ULK4: variants seen among roughly 807,000 people sequenced by gnomAD.
The protein encoded by ULK4 is inactive serine/threonine-protein kinase ULK4.
Under a neutral mutation model 160.6 loss-of-function variants are expected in ULK4, and 133 were observed. The observed-to-expected ratio is 0.83, with a 90% CI of 0.72 to 0.96. ULK4 has a LOEUF of 0.96. ULK4 is among the 40% of genes least tolerant of loss of function. ULK4 has a pLI of 0.00. For missense variants in ULK4, 1,580 were observed against 1,499.5 expected (o/e 1.05, Z -0.89); for synonymous variants, 534 against 539.8 (o/e 0.99, Z 0.15).
At chr3:41,307,162 A>T (rs2079961529) in intron 35 of ULK4, among the ~76,000 whole-genome samples, 1 of 89,472 alleles carries the variant, frequency 1.1e-5, no homozygotes, top group Non-Finnish European at 2.2e-5. Context: ...AATAAATTAA[A>T]AAAAAAAAAA....
chr3:41,786,356 C>A (rs534894869), intron 21 of ULK4, among the ~76,000 whole-genome samples: 71 of 152,222 alleles, frequency 4.7e-4, no homozygotes, highest in Non-Finnish European at 9.3e-4. Context: ...AATCCCAGCA[C>A]CTTGGGAGGC....
Position 41,542,628 on chromosome 3 carries a change from C to T in ULK4, c.3226+23397G>A, listed in dbSNP as rs6776707. On this transcript the variant is annotated intron_variant, in intron 32 of 36. Transcript: ENST00000301831. ...TCCTCTTTGTACCTCTGGTGGAATT[C>T]GGCTGTGAATCCATCTGGTCCTGGA... Among the ~76,000 whole-genome samples the T allele has an allele frequency of 2.7e-3, 404 of 152,184 alleles. 1 individual carries two copies. Among genetic ancestry groups the T allele is most frequent in the African/African-American group, 8.8e-3 (367 of 41,524 alleles).
chr3:41,923,468 A>G (rs1652634674), intron 5 of ULK4, among the ~76,000 whole-genome samples: 1 of 152,208 alleles, frequency 6.6e-6, no homozygotes, highest in Non-Finnish European at 1.5e-5. Context: ...ACTGCACTCC[A>G]GCCTGGGCAA....
At chr3:41,368,111 G>A (rs566196841) in intron 35 of ULK4, among the ~76,000 whole-genome samples, 3 of 151,274 alleles carry the variant, frequency 2.0e-5, no homozygotes, top group South Asian at 2.1e-4. Flanking sequence ...GCAGTGGTGC[G>A]ATCTCGGTTC....
intron 35 of ULK4, among the ~76,000 whole-genome samples, chr3:41,380,360 T>C (rs959824702): frequency 3.3e-5 from 5 of 152,232 alleles, no homozygotes; most frequent in Non-Finnish European, 7.3e-5. Flanking sequence ...GCAATTTTGA[T>C]AATGTGAAAG....
chr3:41,867,615 G>T (rs1488412748), intron 17 of ULK4, among the ~76,000 whole-genome samples: 2 of 152,186 alleles, frequency 1.3e-5, no homozygotes, highest in Non-Finnish European at 2.9e-5. Context: ...GGCCTCAAGT[G>T]ATCTGCCCGC....
intron 36 of ULK4, among the ~76,000 whole-genome samples, chr3:41,247,729 T>C (rs2078671060): frequency 6.6e-6 from 1 of 152,172 alleles, no homozygotes; most frequent in Non-Finnish European, 1.5e-5. Context: ...AGGAATGCGT[T>C]TGAACTTGGC....
intron 34 of ULK4, among the ~76,000 whole-genome samples, chr3:41,398,954 C>G (rs1253423863): frequency 6.6e-6 from 1 of 151,942 alleles, no homozygotes; most frequent in Non-Finnish European, 1.5e-5. Flanking sequence ...CATTCCAAAT[C>G]CTCTCTTCTA....
chr3:41,629,939 A>T (rs2033679729), intron 30 of ULK4, among the ~76,000 whole-genome samples: 1 of 152,166 alleles, frequency 6.6e-6, no homozygotes, highest in African/African-American at 2.4e-5. Context: ...TCAAAGTTGC[A>T]GTAAGTCAGT....
At chr3:41,569,788 A>AT (rs10711757) in intron 31 of ULK4, among the ~76,000 whole-genome samples, 6 of 150,284 alleles carry the variant, frequency 4.0e-5, no homozygotes, top group East Asian at 3.9e-4. Flanking sequence ...ACTACCCTAC[A>AT]TTTTTTTTTT....
intron 20 of ULK4, among the ~76,000 whole-genome samples, chr3:41,792,176 A>C (rs922137934): frequency 6.6e-6 from 1 of 152,206 alleles, no homozygotes; most frequent in Non-Finnish European, 1.5e-5. Flanking sequence ...GAAAAGAGGA[A>C]TATTAAAAAT....
intron 11 of ULK4, among the ~76,000 whole-genome samples, chr3:41,909,050 G>T (rs992268075): frequency 3.7e-5 from 5 of 133,754 alleles, no homozygotes; most frequent in African/African-American, 1.4e-4. Context: ...CCAAGTTCAA[G>T]CCACTGCACT....
At chr3:41,449,496 A>C (rs901405095) in intron 34 of ULK4, among the ~76,000 whole-genome samples, 4 of 152,124 alleles carry the variant, frequency 2.6e-5, no homozygotes, top group Non-Finnish European at 5.9e-5. Flanking sequence ...GCTGCTTAGT[A>C]TAGAACTAAT....
chr3:41,897,514 C>T (rs1698202856), intron 14 of ULK4, among the ~76,000 whole-genome samples: 1 of 152,152 alleles, frequency 6.6e-6, no homozygotes, highest in Non-Finnish European at 1.5e-5. Context: ...GTGATACCCC[C>T]TAAAATTAAC....
intron 19 of ULK4, among the ~76,000 whole-genome samples, chr3:41,808,288 C>T (rs1217494258): frequency 6.6e-6 from 1 of 152,178 alleles, no homozygotes; most frequent in Non-Finnish European, 1.5e-5. Context: ...TTCTCAAATA[C>T]ATGTGCTTTA....
At chr3:41,819,846 A>G (rs558271911) in intron 18 of ULK4, among the ~76,000 whole-genome samples, 2 of 152,338 alleles carry the variant, frequency 1.3e-5, no homozygotes, top group East Asian at 3.9e-4. Flanking sequence ...TACAGATACA[A>G]CTATCTGAAA....
chr3:41,674,519 C>T (rs17060128), intron 29 of ULK4, among the ~76,000 whole-genome samples: 4,305 of 152,210 alleles, frequency 0.028, 145 homozygotes, highest in East Asian at 0.088. Flanking sequence ...GCTCATTAAT[C>T]GCACAGATAA....
chr3:41,746,546 C>T (rs2038430882), intron 22 of ULK4, among the ~76,000 whole-genome samples: 1 of 150,612 alleles, frequency 6.6e-6, no homozygotes, highest in Admixed American at 6.6e-5. Context: ...GATCAGCAGA[C>T]CATAGAGTAA....
chr3:41,561,188 C>T (rs543934938), intron 32 of ULK4, among the ~76,000 whole-genome samples: 1 of 152,272 alleles, frequency 6.6e-6, no homozygotes, highest in South Asian at 2.1e-4. Flanking sequence ...ATATGTTGAA[C>T]CAGCCTTGCA....
Sources: allele counts gnomAD v4.1 joint callset (sites outside exome capture counted in the v4.1 genomes callset), GRCh38; gene constraint gnomAD v4.1.1; transcripts MANE v1.5; gene names NCBI Gene and HGNC (gene_info 2026-07-23, HGNC 2026-07-21).